Variants in ZFHX3 observed in about 807,000 individuals in gnomAD.
The protein encoded by ZFHX3 is zinc finger homeobox 3.
A neutral mutation model predicts 279.1 loss-of-function variants in ZFHX3; 42 were observed. The observed-to-expected ratio is 0.15, with a 90% confidence interval of 0.12 to 0.19. The LOEUF is 0.19. Among genes scored for constraint, ZFHX3 ranks in the 10% least tolerant of loss-of-function variants. The probability of loss-of-function intolerance (pLI) is 1.00; values close to 1 mark genes in which losing one functional copy is unlikely to be tolerated. For missense variants in ZFHX3, 4,981 were observed against 4,754.0 expected, an observed-to-expected ratio of 1.05 and a Z score of -1.40; for synonymous variants, 2,293 against 1,957.8, an observed-to-expected ratio of 1.17 and a Z score of -4.52.
chr16:72,832,452 C>T (rs1433407469), intron 4 of ZFHX3, among the ~76,000 whole-genome samples: 6 of 152,036 alleles, frequency 3.9e-5, no homozygotes, highest in East Asian at 1.9e-4. Context: ...AGAGGATCAA[C>T]GAAAGAGGTT....
At chr16:73,189,471 G>A (rs893438130) in intron 5 of ZFHX3, among the ~76,000 whole-genome samples, 7 of 152,234 alleles carry the variant, frequency 4.6e-5, no homozygotes, top group African/African-American at 1.4e-4. Context: ...CCTAGGGAAT[G>A]ATCTAGAAGA....
intron 4 of ZFHX3, among the ~76,000 whole-genome samples, chr16:72,843,531 A>AG (rs2037401323): frequency 1.3e-5 from 2 of 150,396 alleles, no homozygotes; most frequent in Admixed American, 6.6e-5. Flanking sequence ...AAAAAAAAAA[A>AG]AAAAAAAAGC....
chr16:73,036,698 T>G (rs753128567), intron 1 of ZFHX3, among the ~76,000 whole-genome samples: 3 of 151,870 alleles, frequency 2.0e-5, no homozygotes, highest in Non-Finnish European at 4.4e-5. Flanking sequence ...GGCGCTTTGA[T>G]CCCCTCGGTC....
intron 3 of ZFHX3, among the ~76,000 whole-genome samples, chr16:73,411,246 T>A (rs2017460386): frequency 6.6e-6 from 1 of 152,244 alleles, no homozygotes; most frequent in Non-Finnish European, 1.5e-5. Context: ...TGTCCTCAAT[T>A]TTTTGACTTC....
chr16:72,957,723 A>G lies in ZFHX3; in HGVS notation c.2423T>C (p.Val808Ala), dbSNP rs566422536. ...GGCCACGTTGGTCTCATAATCACAC[A>G]CCTCGCACCGCCAGGTGGGTTTGGT... is the stretch of plus-strand genomic sequence containing the variant. The part of the protein sequence containing the change: ...PKTKPTWRCE[V>A]CDYETNVARN... The change falls in exon 2 of 10, where the codon GTG (valine) becomes GCG (alanine). Residue 808 changes from valine (V) to alanine (A), a missense_variant. Around this residue, in one of 7 missense-constraint regions of ZFHX3, gnomAD observed 1,751 missense variants for 1,770.0 expected, o/e 0.99. Transcript: ENST00000268489. The G allele has an allele frequency of 1.2e-5, 19 of 1,613,914 alleles. No homozygotes were observed. The South Asian group carries it at 1.9e-4, about 16-fold the overall frequency.
intron 5 of ZFHX3, among the ~76,000 whole-genome samples, chr16:73,255,185 A>G (rs931567235): frequency 5.9e-5 from 9 of 152,246 alleles, no homozygotes; most frequent in Non-Finnish European, 1.3e-4. Context: ...GGCTAGGATC[A>G]TACCTTTTTA....
At chr16:73,461,419 T>C (rs1408464851) in intron 2 of ZFHX3, among the ~76,000 whole-genome samples, 1 of 152,234 alleles carries the variant, frequency 6.6e-6, no homozygotes, top group Non-Finnish European at 1.5e-5. Context: ...GGAGTCTAAG[T>C]TATCAGTTTT....
intron 5 of ZFHX3, among the ~76,000 whole-genome samples, chr16:73,220,116 G>T (rs1310111072): frequency 1.3e-5 from 2 of 151,798 alleles, no homozygotes; most frequent in African/African-American, 4.8e-5. Context: ...AAAAGAAAAA[G>T]AAAAAGAAAA....
At chr16:73,272,175 A>G (rs2014165496) in intron 4 of ZFHX3, among the ~76,000 whole-genome samples, 1 of 152,218 alleles carries the variant, frequency 6.6e-6, no homozygotes, top group Admixed American at 6.5e-5. Context: ...TTTGGAGATT[A>G]TATTACTCCC....
chr16:73,637,849 GA>G (rs1367177552), intron 2 of ZFHX3, among the ~76,000 whole-genome samples: 1 of 151,964 alleles, frequency 6.6e-6, no homozygotes, highest in African/African-American at 2.4e-5. Context: ...TCCCCCACTA[GA>G]AAATAAGACA....
chr16:73,017,860 A>G (rs888255076), intron 1 of ZFHX3, among the ~76,000 whole-genome samples: 15 of 152,202 alleles, frequency 9.9e-5, no homozygotes, highest in Non-Finnish European at 8.8e-5. Flanking sequence ...TGTCTGACCC[A>G]TCCCTACCTC....
Position 72,990,971 on chromosome 16 carries a change from C to A in ZFHX3, c.-49-30777G>T, listed in dbSNP as rs537634115. 2.3e-4 allele frequency among the ~76,000 whole-genome samples: 34 copies of A among 150,642 alleles called. 1 individual carries two copies. In the South Asian group the frequency reaches 4.0e-3, roughly 18 times the overall value. The stretch of plus-strand genomic sequence containing the variant: ...CTCCAGCCTGGGTGACAGAGTGAGA[C>A]CCTGTCTCAAAAAATAAAATTAAAA... On this transcript the variant is annotated intron_variant, in intron 1 of 9. Coordinates refer to ENST00000268489, the MANE Select transcript of ZFHX3 (RefSeq NM_006885.4).
chr16:72,968,205 T>C (rs569194786), intron 1 of ZFHX3, among the ~76,000 whole-genome samples: 7 of 151,706 alleles, frequency 4.6e-5, no homozygotes, highest in African/African-American at 1.7e-4. Flanking sequence ...AATCTAATCA[T>C]GAGGGAACAT....
chr16:73,724,179 G>A (rs2053499026), intron 1 of ZFHX3, among the ~76,000 whole-genome samples: 1 of 152,186 alleles, frequency 6.6e-6, no homozygotes, highest in Non-Finnish European at 1.5e-5. Flanking sequence ...ATAATAAATA[G>A]TAATTCTGTC....
At chr16:73,711,218 C>T (rs1432262710) in intron 1 of ZFHX3, among the ~76,000 whole-genome samples, 1 of 152,026 alleles carries the variant, frequency 6.6e-6, no homozygotes, top group Non-Finnish European at 1.5e-5. Context: ...TATTTCAAGT[C>T]CCCACACACA....
chr16:72,939,860 C>G (rs1411734490), intron 3 of ZFHX3, among the ~76,000 whole-genome samples: 1 of 152,200 alleles, frequency 6.6e-6, no homozygotes, highest in African/African-American at 2.4e-5. Flanking sequence ...TCACTGCAGC[C>G]TTGACCTCCT....
chr16:73,115,931 C>T (rs1332357593), intron 7 of ZFHX3, among the ~76,000 whole-genome samples: 1 of 151,984 alleles, frequency 6.6e-6, no homozygotes, highest in Non-Finnish European at 1.5e-5. Context: ...ACAGCCTGAC[C>T]AACATCATGG....
chr16:73,054,531 A>C (rs1225144270), intron 1 of ZFHX3, among the ~76,000 whole-genome samples: 1 of 149,008 alleles, frequency 6.7e-6, no homozygotes, highest in Non-Finnish European at 1.5e-5. Context: ...ATAGCTCAAG[A>C]GTTTGAATTC....
At chr16:72,962,494 T>C (rs1301471303) in intron 1 of ZFHX3, among the ~76,000 whole-genome samples, 2 of 152,206 alleles carry the variant, frequency 1.3e-5, no homozygotes, top group Middle Eastern at 3.2e-3. Flanking sequence ...GCAGCAGCCA[T>C]GAGGACACGG....
Sources: gnomAD v4.1 joint callset for allele counts (sites outside exome capture counted in the v4.1 genomes callset) on GRCh38, gnomAD v4.1.1 for gene constraint, gnomAD v4.1.1 regional missense constraint, MANE v1.5 for transcripts, NCBI Gene and HGNC (gene_info 2026-07-23, HGNC 2026-07-21) for gene names.